MYEF2: variants seen among roughly 807,000 people sequenced by gnomAD.
MYEF2 encodes the protein myelin expression factor 2.
In MYEF2, 37 loss-of-function variants were observed where a neutral mutation model predicts 75.2. The observed-to-expected ratio is 0.49, with a 90% confidence interval of 0.38 to 0.65. MYEF2 has a LOEUF of 0.65. Ranked by LOEUF, MYEF2 falls within the 30% of genes least tolerant of loss-of-function variation. The pLI, the probability that MYEF2 is intolerant of heterozygous loss-of-function variation, is 0.00. For synonymous variants in MYEF2, 195 were observed against 241.6 expected, an observed-to-expected ratio of 0.81 and a Z score of 1.79; for missense variants, 634 against 771.4, an observed-to-expected ratio of 0.82 and a Z score of 2.11.
chr15:48,152,496 G>C (rs1488548817), intron 10 of MYEF2: 1 of 449,034 alleles, frequency 2.2e-6, no homozygotes, highest in Non-Finnish European at 3.9e-6. Flanking sequence ...ACATTTATCA[G>C]ACAAGAAAGC....
In MYEF2 at chr15:48,168,543, T is replaced by C; in HGVS notation, c.370+88A>G. 4.9e-6 allele frequency: 5 copies of C among 1,024,544 alleles called. No homozygotes were observed. The East Asian group carries it at 1.2e-4, about 24-fold the overall frequency. 63.5% of individuals were successfully genotyped at this position (1,024,544 alleles called of 1,614,324 possible). A position where few individuals can be genotyped will look rare whatever the true frequency, so the allele number is the denominator to read the frequency against. ...TAAAAATCAATTTTTTGAGTCTGTG[T>C]GGCTCAGAGGAATAAAAATGTTTGT... On this transcript the variant is annotated intron_variant, in intron 2 of 16. Coordinates refer to ENST00000324324, the MANE Select transcript of MYEF2 (RefSeq NM_016132.5).
chr15:48,177,954 G>A (rs1338123882), intron 1 of MYEF2, 123 bp downstream of exon 1: 38 of 1,305,662 alleles, frequency 2.9e-5, no homozygotes, highest in Non-Finnish European at 3.7e-5. Flanking sequence ...GGAAGCCGAT[G>A]GCCCGGGGGC....
intron 3 of MYEF2, 98 bp downstream of exon 3, chr15:48,167,251 G>A (rs2040165616): frequency 8.2e-7 from 1 of 1,213,080 alleles, no homozygotes. Flanking sequence ...AAAACAAAAT[G>A]AAACTTAAGT....
Position 48,141,004 on chromosome 15 carries a change from C to A in MYEF2, c.*1904G>T. On this transcript the variant is annotated 3_prime_UTR_variant, in exon 17 of 17. Coordinates refer to ENST00000324324, the MANE Select transcript of MYEF2 (RefSeq NM_016132.5). ...AGCAAGCACATATTGGCTCTGAATTCTAAATGTGCCTATTTTATTTTTGTT... is the reference window on the plus strand; with the variant it reads ...AGCAAGCACATATTGGCTCTGAATTATAAATGTGCCTATTTTATTTTTGTT... 1 of 832,460 alleles carries A rather than the reference C, an allele frequency of 1.2e-6. No individual in the cohort carries two copies. The highest frequency in any genetic ancestry group is 1.9e-6 in the Non-Finnish European group (1 of 521,668). 51.6% of individuals were successfully genotyped at this position (832,460 alleles called of 1,614,324 possible). A position where few individuals can be genotyped will look rare whatever the true frequency, so the allele number is the denominator to read the frequency against.
At chr15:48,143,189 T>C (rs1225879965) in intron 16 of MYEF2, 118 bp from the exon 17 acceptor site, 1 of 550,738 alleles carries the variant, frequency 1.8e-6, no homozygotes, top group Admixed American at 4.3e-5. Context: ...ACATTAATTA[T>C]TTAAAATAAA....
In MYEF2 at chr15:48,158,997, T is replaced by C. The variant is rs1456505772; in HGVS notation, c.718-75A>G. 3.9e-6 allele frequency: 5 copies of C among 1,296,722 alleles called. No individual in the cohort carries two copies. The East Asian group carries it at 9.6e-5, about 25-fold the overall frequency. The allele number at this position is 1,296,722 out of a possible 1,614,324, so 80.3% of individuals were successfully genotyped here. A position where few individuals can be genotyped will look rare whatever the true frequency, so the allele number is the denominator to read the frequency against. ...ATCTGTAAATACAAAAAATCTTTTC[T>C]AAACTCTTAAAACCATAAAGAACCA... On this transcript the variant is annotated intron_variant, in intron 6 of 16. Transcript: ENST00000324324.
In MYEF2 at chr15:48,149,113, T is replaced by C. The variant is rs769094300; in HGVS notation, c.1588-30A>G. ...AATGAAAAGAGGTATTAGTAACATA[T>C]ATACAAGAAAAAAAAGAATTTGAAT... On this transcript the variant is annotated intron_variant, in intron 15 of 16. Transcript: ENST00000324324. The surrounding 1 kb of genome is among the most constrained non-coding windows in gnomAD (Gnocchi z 4.0). 1.2e-5 allele frequency: 20 copies of C among 1,612,320 alleles called. No individual in the cohort carries two copies. The highest frequency in any genetic ancestry group is 5.3e-5 in the African/African-American group (4 of 74,782).
intron 10 of MYEF2, 157 bp from the exon 11 acceptor site, chr15:48,152,441 C>G: frequency 1.0e-5 from 6 of 581,484 alleles, no homozygotes; most frequent in Non-Finnish European, 1.5e-5. Context: ...AAGTGCTATG[C>G]CATAGCAGCT....
Position 48,159,696 on chromosome 15 carries a change from T to C in MYEF2, c.634A>G (p.Ile212Val). The C allele has an allele frequency of 5.6e-6, 9 of 1,613,690 alleles. No individual in the cohort carries two copies. Among genetic ancestry groups the C allele is most frequent in the Non-Finnish European group, 7.6e-6 (9 of 1,179,742 alleles). ...GSGLMNLPPS[I>V]LNNPNIPPEV... The stretch of plus-strand genomic sequence containing the variant: ...GGAGGAATGTTTGGATTATTGAGTA[T>C]GGAAGGTGGTAAATTCATCAACCCT... Residue 212 changes from isoleucine (I) to valine (V), a missense_variant, in exon 6 of 17, where the codon ATA becomes GTA. Physicochemically the swap from Ile to Val is conservative, Grantham distance 29. Transcript: ENST00000324324.
intron 2 of MYEF2, among the ~76,000 whole-genome samples, chr15:48,168,051 C>G (rs947297237): frequency 1.3e-5 from 2 of 151,906 alleles, no homozygotes; most frequent in African/African-American, 4.8e-5. Flanking sequence ...TTTACAAGAT[C>G]AAGTATTAAA....
At chr15:48,172,124 G>C (rs775524067) in intron 1 of MYEF2, among the ~76,000 whole-genome samples, 1 of 152,178 alleles carries the variant, frequency 6.6e-6, no homozygotes, top group Non-Finnish European at 1.5e-5. Context: ...TCCAGGCCAG[G>C]TGCAGTGGCT....
chr15:48,139,280 C>A lies in MYEF2; in HGVS notation c.*3628G>T. The A allele has an allele frequency of 1.1e-6, 1 of 921,058 alleles. No homozygotes were observed. Among genetic ancestry groups the A allele is most frequent in the Non-Finnish European group, 1.7e-6 (1 of 601,490 alleles). 57.1% of individuals were successfully genotyped at this position (921,058 alleles called of 1,614,324 possible). A position where few individuals can be genotyped will look rare whatever the true frequency, so the allele number is the denominator to read the frequency against. The stretch of plus-strand genomic sequence containing the variant: ...AGCTACACAGCAAATTTCTTTTCAG[C>A]AAGATTGAAGATTAGTACCATTTAC... On this transcript the variant is annotated 3_prime_UTR_variant, in exon 17 of 17. Transcript: ENST00000324324.
Position 48,142,071 on chromosome 15 carries a change from T to A in MYEF2, c.*837A>T, listed in dbSNP as rs1335984105. On this transcript the variant is annotated 3_prime_UTR_variant, in exon 17 of 17. Transcript: ENST00000324324. The stretch of plus-strand genomic sequence containing the variant: ...ATGTCTAACATCGTGGGATCCAATG[T>A]GTTTGATATGTTGTGCCTTGGTATT... The A allele has an allele frequency of 6.2e-7, 1 of 1,613,738 alleles. No individual in the cohort carries two copies. Among genetic ancestry groups the A allele is most frequent in the East Asian group, 2.2e-5 (1 of 44,802 alleles).
intron 1 of MYEF2, among the ~76,000 whole-genome samples, chr15:48,175,613 G>A (rs1241654722): frequency 6.6e-6 from 1 of 152,030 alleles, no homozygotes; most frequent in African/African-American, 2.4e-5. Flanking sequence ...CAATAAAGCT[G>A]GGGGAAACAG....
Position 48,140,429 on chromosome 15 carries a change from T to C in MYEF2, c.*2479A>G, listed in dbSNP as rs1294801159. 6.6e-6 allele frequency: 1 copy of C among 152,146 alleles called. No homozygotes were observed. The highest frequency in any genetic ancestry group is 1.5e-5 in the Non-Finnish European group (1 of 67,986). 9.4% of individuals were successfully genotyped at this position (152,146 alleles called of 1,614,324 possible). On this transcript the variant is annotated 3_prime_UTR_variant, in exon 17 of 17. Transcript: ENST00000324324. Reference sequence around the variant, plus strand: ...TAAACCAAGTTTTCAATTACAACATTAAAGGAACAGTTACATAACCTTTTG... The same window carrying C: ...TAAACCAAGTTTTCAATTACAACATCAAAGGAACAGTTACATAACCTTTTG...
rs372314093 is a variant in MYEF2 at position 48,134,955 on chromosome 15, T to C, written c.*7953A>G. 1.2e-6 allele frequency: 2 copies of C among 1,611,898 alleles called. No individual in the cohort carries two copies. The highest frequency in any genetic ancestry group is 1.7e-6 in the Non-Finnish European group (2 of 1,178,466). On this transcript the variant is annotated 3_prime_UTR_variant, in exon 17 of 17. Coordinates refer to ENST00000324324, the MANE Select transcript of MYEF2 (RefSeq NM_016132.5). ...ACACAATTAGTGCAGCAGCAGTTCTTGGTATAATATATGACAACCAAGTTT... is the reference window on the plus strand; with the variant it reads ...ACACAATTAGTGCAGCAGCAGTTCTCGGTATAATATATGACAACCAAGTTT...
Position 48,142,043 on chromosome 15 carries a change from G to T in MYEF2, c.*865C>A, listed in dbSNP as rs373028909. ...TTCTTTTGTAGGGAAAGGAGATATG[G>T]CTATGTCTAACATCGTGGGATCCAA... On this transcript the variant is annotated 3_prime_UTR_variant, in exon 17 of 17. Transcript: ENST00000324324. 6.2e-7 allele frequency: 1 copy of T among 1,610,644 alleles called. No homozygotes were observed. Among genetic ancestry groups the T allele is most frequent in the African/African-American group, 1.3e-5 (1 of 74,806 alleles).
At chr15:48,174,073 C>T (rs1046164006) in intron 1 of MYEF2, among the ~76,000 whole-genome samples, 11 of 152,042 alleles carry the variant, frequency 7.2e-5, no homozygotes, top group African/African-American at 2.4e-4. Flanking sequence ...AAGTACCACA[C>T]TACCTGATTC....
Position 48,151,163 on chromosome 15 carries a change from T to C in MYEF2, c.1315A>G (p.Met439Val). ...ATTCTTCCTGCAAACCCTCCAATCA[T>C]TGCACTGCCTAAACAAGGATGGAAA... Reference protein sequence around the residue: ...GDSFGRLGSAMIGGFAGRIGS... With the variant: ...GDSFGRLGSAVIGGFAGRIGS... Residue 439 changes from methionine (M) to valine (V), a missense_variant, in exon 14 of 17, where the codon ATG becomes GTG. Physicochemically the swap from Met to Val is conservative, Grantham distance 21. Coordinates refer to ENST00000324324, the MANE Select transcript of MYEF2 (RefSeq NM_016132.5). The C allele has an allele frequency of 2.5e-6, 4 of 1,609,400 alleles. No individual in the cohort carries two copies. Among genetic ancestry groups the C allele is most frequent in the Admixed American group, 1.7e-5 (1 of 59,674 alleles).
Sources: allele counts gnomAD v4.1 joint callset (sites outside exome capture counted in the v4.1 genomes callset), GRCh38; gene constraint gnomAD v4.1.1; non-coding constraint Gnocchi (gnomAD v3.1); transcripts MANE v1.5; gene names NCBI Gene and HGNC (gene_info 2026-07-23, HGNC 2026-07-21).